The following CHRNA7 variants were observed in gnomAD, a reference collection of about 807,000 sequenced individuals.
CHRNA7 encodes the protein cholinergic receptor nicotinic alpha 7 subunit.
In CHRNA7, 17 loss-of-function variants were observed where a neutral mutation model predicts 48.0. The ratio of observed to expected loss-of-function variants is 0.35; its 90% CI spans 0.24 to 0.53. CHRNA7 has a LOEUF of 0.53. CHRNA7 is among the 20% of genes least tolerant of loss of function. CHRNA7 has a pLI of 0.92. For missense variants in CHRNA7, 155 were observed against 577.7 expected, an observed-to-expected ratio of 0.27 and a Z score of 7.50; for synonymous variants, 75 against 242.3, an observed-to-expected ratio of 0.31 and a Z score of 6.41.
chr15:32,114,016 C>T (rs1412734678), intron 4 of CHRNA7, among the ~76,000 whole-genome samples: 3 of 90,364 alleles, frequency 3.3e-5, no homozygotes, highest in African/African-American at 1.2e-4. Context: ...GATGCTATCT[C>T]CAAATATATA....
chr15:32,110,590 G>C (rs1356273644), intron 3 of CHRNA7, among the ~76,000 whole-genome samples: 2 of 152,166 alleles, frequency 1.3e-5, no homozygotes, highest in Non-Finnish European at 2.9e-5. Context: ...GTTGGTCTGG[G>C]ACATGCCCTT....
At chr15:32,091,086 T>G (rs1021569350) in intron 2 of CHRNA7, among the ~76,000 whole-genome samples, 6 of 152,196 alleles carry the variant, frequency 3.9e-5, no homozygotes, top group African/African-American at 1.2e-4. Context: ...TTTTGTTTTC[T>G]TCCAAATCTG....
At chr15:32,030,506 C>G (rs1281024185), upstream of CHRNA7, 31 of 1,271,480 alleles carry the variant, frequency 2.4e-5, no homozygotes, top group South Asian at 2.2e-4. Flanking sequence ...GCGAGCCGAG[C>G]GGCGAGGTGC....
intron 4 of CHRNA7, among the ~76,000 whole-genome samples, chr15:32,117,470 T>A (rs1273757919): frequency 6.6e-6 from 1 of 152,146 alleles, no homozygotes; most frequent in Non-Finnish European, 1.5e-5. Flanking sequence ...AGATGAGCCA[T>A]CCACTCAAGT....
chr15:32,041,322 A>G (rs565433209), intron 2 of CHRNA7, among the ~76,000 whole-genome samples: 2 of 152,276 alleles, frequency 1.3e-5, no homozygotes, highest in African/African-American at 4.8e-5. Flanking sequence ...TTTTCCATAG[A>G]CTGTCGGGGG....
intron 3 of CHRNA7, among the ~76,000 whole-genome samples, chr15:32,108,604 A>G (rs969091663): frequency 3.4e-4 from 52 of 152,214 alleles, no homozygotes; most frequent in African/African-American, 1.2e-3. Context: ...CCCCGGGCTC[A>G]GGATTGTGGA....
intron 2 of CHRNA7, among the ~76,000 whole-genome samples, chr15:32,069,596 A>G (rs2050021475): frequency 6.6e-6 from 1 of 152,206 alleles, no homozygotes; most frequent in Non-Finnish European, 1.5e-5. Context: ...GCAGTGAGCT[A>G]TGATTATACC....
At chr15:32,083,972 A>C (rs1443540983) in intron 2 of CHRNA7, among the ~76,000 whole-genome samples, 1 of 152,140 alleles carries the variant, frequency 6.6e-6, no homozygotes, top group Non-Finnish European at 1.5e-5. Flanking sequence ...CATCAGTATA[A>C]GCCCTAGATT....
chr15:32,097,534 C>T (rs1410296854), intron 2 of CHRNA7, among the ~76,000 whole-genome samples: 1 of 152,138 alleles, frequency 6.6e-6, no homozygotes, highest in Non-Finnish European at 1.5e-5. Flanking sequence ...AGGGTTCAAC[C>T]ATAGTGGCAG....
intron 3 of CHRNA7, among the ~76,000 whole-genome samples, chr15:32,106,408 A>T (rs1287913363): frequency 1.3e-5 from 2 of 152,030 alleles, no homozygotes; most frequent in African/African-American, 4.8e-5. Flanking sequence ...ACTCTCCTTG[A>T]CCTCCAGTTT....
At chr15:32,038,712 C>T (rs1335672679) in intron 2 of CHRNA7, among the ~76,000 whole-genome samples, 1 of 152,100 alleles carries the variant, frequency 6.6e-6, no homozygotes. Flanking sequence ...ATCAGTGATA[C>T]TGGTTTGTGG....
chr15:32,143,319 C>T (rs1451778811), intron 4 of CHRNA7, among the ~76,000 whole-genome samples: 1 of 152,118 alleles, frequency 6.6e-6, no homozygotes, highest in Admixed American at 6.6e-5. Context: ...TTTACATTTG[C>T]CGAGGAGTGT....
chr15:32,101,606 A>T (rs1595447190), intron 3 of CHRNA7: 22 of 433,064 alleles, frequency 5.1e-5, no homozygotes, highest in Non-Finnish European at 8.0e-6. Flanking sequence ...CTTCAGAAGC[A>T]CTTCAGGCAA....
At chr15:32,035,037 C>G (rs1837716957) in intron 2 of CHRNA7, among the ~76,000 whole-genome samples, 5 of 152,186 alleles carry the variant, frequency 3.3e-5, no homozygotes, top group Admixed American at 3.3e-4. Context: ...GATATATTGT[C>G]TATGATCTAT....
intron 9 of CHRNA7, chr15:32,166,648 C>T (rs2052169929): frequency 6.7e-6 from 1 of 149,998 alleles, no homozygotes; most frequent in Non-Finnish European, 1.5e-5. Flanking sequence ...GGAATTTCCC[C>T]AAAATCATAA....
In CHRNA7 at chr15:32,105,824, T is replaced by A. The variant is rs1011652042; in HGVS notation, c.240+4477T>A. On this transcript the variant is annotated intron_variant, in intron 3 of 9. Coordinates refer to ENST00000306901, the MANE Select transcript of CHRNA7 (RefSeq NM_000746.6). ...TAACATTTATCTGGAAAGCGGCACC[T>A]GTAGATGATCTAGCAGTTGTAACAC... Among the ~76,000 whole-genome samples the A allele has an allele frequency of 3.9e-5, 6 of 152,346 alleles. No individual in the cohort carries two copies. The South Asian group carries it at 8.3e-4, about 21-fold the overall frequency.
intron 2 of CHRNA7, chr15:32,100,998 AAGAT>A (rs2050561410): frequency 3.4e-6 from 1 of 296,196 alleles, no homozygotes; most frequent in East Asian, 6.1e-5. Flanking sequence ...TAAAAATACA[AAGAT>A]AAATAGCTAA....
chr15:32,136,217 G>A (rs544561203), intron 4 of CHRNA7, among the ~76,000 whole-genome samples: 99 of 152,266 alleles, frequency 6.5e-4, no homozygotes, highest in South Asian at 1.5e-3. Context: ...GGGACAGGGC[G>A]CAGGGGCTCA....
Position 32,100,947 on chromosome 15 carries a change from T to C in CHRNA7, c.196-356T>C, listed in dbSNP as rs60436916. 2,085 of 213,978 alleles carry C rather than the reference T, an allele frequency of 9.7e-3. 49 individuals are homozygous for C. The highest frequency in any genetic ancestry group is 0.046 in the African/African-American group (2,002 of 43,146). The allele number at this position is 213,978 out of a possible 1,614,324, so 13.3% of individuals were successfully genotyped here. A position where few individuals can be genotyped will look rare whatever the true frequency, so the allele number is the denominator to read the frequency against. Reference sequence around the variant, plus strand: ...AAACCTGACTTTAAAAACTTGTATTTTCACCTACTTTTATGTTTTTTTTTA... The same window carrying C: ...AAACCTGACTTTAAAAACTTGTATTCTCACCTACTTTTATGTTTTTTTTTA... On this transcript the variant is annotated intron_variant, in intron 2 of 9. Transcript: ENST00000306901.
Sources: gnomAD v4.1 joint callset for allele counts (sites outside exome capture counted in the v4.1 genomes callset) on GRCh38, gnomAD v4.1.1 for gene constraint, MANE v1.5 for transcripts, NCBI Gene and HGNC (gene_info 2026-07-23, HGNC 2026-07-21) for gene names.